The following RGS18 variants were observed in gnomAD, a reference collection of about 807,000 sequenced individuals.
The protein encoded by RGS18 is regulator of G protein signaling 18.
In RGS18, 22 loss-of-function variants were observed where a neutral mutation model predicts 27.6. That is an observed-to-expected ratio of 0.80 (90% CI 0.57 to 1.14). The LOEUF is 1.14. RGS18 is among the 50% of genes most tolerant of loss of function. The probability of loss-of-function intolerance (pLI) is 0.00; values close to 1 mark genes in which losing one functional copy is unlikely to be tolerated. For missense variants in RGS18, 299 were observed against 269.6 expected (o/e 1.11, Z -0.76); for synonymous variants, 89 against 84.6 (o/e 1.05, Z -0.29).
Position 192,160,360 on chromosome 1 carries a change from A to G in RGS18, c.222-18A>G, listed in dbSNP as rs1557933401. The G allele has an allele frequency of 6.3e-7, 1 of 1,589,026 alleles. No individual in the cohort carries two copies. Among genetic ancestry groups the G allele is most frequent in the East Asian group, 2.2e-5 (1 of 44,636 alleles). ...CTTTCTGCACACTCCATTATAAAAC[A>G]TTTTGTTTCTTGTACAGAGTCTCCC... On this transcript the variant is annotated intron_variant, in intron 2 of 4. Transcript: ENST00000367460.
At chr1:192,167,534 C>G (rs1473062204) in intron 3 of RGS18, among the ~76,000 whole-genome samples, 1 of 152,076 alleles carries the variant, frequency 6.6e-6, no homozygotes, top group East Asian at 1.9e-4. Context: ...ATTCTCCTGC[C>G]TCAGCCTCCC....
Position 192,158,881 on chromosome 1 carries a change from G to GA in RGS18, c.119+134dup, listed in dbSNP as rs111972442. ...TATTGTTTGTATTGCTATAATTTGG[G>GA]AAAAAAAAACACCTTTTTATTTCTT... On this transcript the variant is annotated intron_variant, in intron 1 of 4. Transcript: ENST00000367460. 5.2e-3 allele frequency: 3,427 copies of GA among 654,438 alleles called. 1 individual carries two copies. Among genetic ancestry groups the GA allele is most frequent in the Non-Finnish European group, 6.2e-3 (2,442 of 391,092 alleles). The allele number at this position is 654,438 out of a possible 1,614,324, so 40.5% of individuals were successfully genotyped here.
chr1:192,169,729 GA>G (rs1428802390), intron 3 of RGS18: 1 of 151,992 alleles, frequency 6.6e-6, no homozygotes, highest in Non-Finnish European at 1.5e-5. Flanking sequence ...ATCTAGCCAA[GA>G]AATTCTCTTC....
intron 3 of RGS18, among the ~76,000 whole-genome samples, chr1:192,178,319 A>T (rs1656392155): frequency 6.6e-6 from 1 of 151,676 alleles, no homozygotes; most frequent in African/African-American, 2.4e-5. Flanking sequence ...TGTTTTTCAC[A>T]TGTTGGTTGG....
chr1:192,159,102 G>A (rs1656025008), intron 1 of RGS18, 118 bp from the exon 2 acceptor site: 3 of 646,818 alleles, frequency 4.6e-6, no homozygotes, highest in South Asian at 1.9e-5. Flanking sequence ...TGGGATTCAT[G>A]AGTGTGTGGG....
At chr1:192,176,366 T>C (rs1258610011) in intron 3 of RGS18, among the ~76,000 whole-genome samples, 1 of 151,798 alleles carries the variant, frequency 6.6e-6, no homozygotes, top group African/African-American at 2.4e-5. Flanking sequence ...CTTCTTACTA[T>C]GGTTAGCCTC....
At chr1:192,183,377 GC>G (rs1268378682) in intron 4 of RGS18, among the ~76,000 whole-genome samples, 5 of 151,536 alleles carry the variant, frequency 3.3e-5, no homozygotes, top group Non-Finnish European at 7.4e-5. Flanking sequence ...ATAAAGAGAA[GC>G]CCCACATTAA....
chr1:192,175,176 C>A (rs1210519167), intron 3 of RGS18, among the ~76,000 whole-genome samples: 1 of 151,218 alleles, frequency 6.6e-6, no homozygotes, highest in Non-Finnish European at 1.5e-5. Flanking sequence ...TCTTTTTTAA[C>A]CTTTGTGTTT....
chr1:192,165,794 C>A (rs1656153979), intron 3 of RGS18, among the ~76,000 whole-genome samples: 2 of 152,084 alleles, frequency 1.3e-5, no homozygotes, highest in African/African-American at 2.4e-5. Flanking sequence ...AATTTAAATT[C>A]TGTTTCTTAT....
intron 3 of RGS18, among the ~76,000 whole-genome samples, chr1:192,164,567 T>C (rs1445867584): frequency 6.6e-6 from 1 of 152,148 alleles, no homozygotes; most frequent in Non-Finnish European, 1.5e-5. Flanking sequence ...GTTGTTTCAG[T>C]AATTGCAACA....
Position 192,160,721 on chromosome 1 carries a change from C to A in RGS18, c.283+282C>A, listed in dbSNP as rs1318190447. 6 of 356,596 alleles carry A rather than the reference C, an allele frequency of 1.7e-5. No homozygotes were observed. In the Admixed American group the frequency reaches 2.7e-4, roughly 16 times the overall value. The allele number at this position is 356,596 out of a possible 1,614,324, so 22.1% of individuals were successfully genotyped here. A position where few individuals can be genotyped will look rare whatever the true frequency, so the allele number is the denominator to read the frequency against. On this transcript the variant is annotated intron_variant, in intron 3 of 4. Coordinates refer to ENST00000367460, the MANE Select transcript of RGS18 (RefSeq NM_130782.3). ...AATTTTTCCGATTTTTGAATGAAAT[C>A]TTCGGTTTTATCAAATTCATGATTA... is the stretch of plus-strand genomic sequence containing the variant.
At chr1:192,162,195 C>G (rs1179190994) in intron 3 of RGS18, among the ~76,000 whole-genome samples, 1 of 152,190 alleles carries the variant, frequency 6.6e-6, no homozygotes, top group Non-Finnish European at 1.5e-5. Flanking sequence ...CTTAAACAGC[C>G]TTCCTCAACT....
intron 3 of RGS18, among the ~76,000 whole-genome samples, chr1:192,180,670 T>C (rs777355207): frequency 3.3e-5 from 5 of 151,722 alleles, no homozygotes; most frequent in Non-Finnish European, 7.4e-5. Flanking sequence ...TCTATAAACA[T>C]GACCTACCAC....
intron 3 of RGS18, among the ~76,000 whole-genome samples, chr1:192,172,301 A>T (rs934880912): frequency 2.6e-5 from 4 of 151,972 alleles, no homozygotes; most frequent in African/African-American, 9.7e-5. Context: ...AGACTGGATT[A>T]GTTCTCAGGG....
At chr1:192,159,767 C>A (rs1293189927) in intron 2 of RGS18, among the ~76,000 whole-genome samples, 3 of 151,834 alleles carry the variant, frequency 2.0e-5, no homozygotes, top group Non-Finnish European at 4.4e-5. Context: ...ATGCAAAAAC[C>A]TTATATACTA....
intron 3 of RGS18, among the ~76,000 whole-genome samples, chr1:192,164,267 A>G (rs1218213559): frequency 6.6e-6 from 1 of 152,190 alleles, no homozygotes; most frequent in Non-Finnish European, 1.5e-5. Flanking sequence ...GAATCAGTAT[A>G]GGAATGGGGC....
At position 192,163,679 on chromosome 1, in the gene RGS18, T is replaced by G. The variant is rs1021432577; in HGVS notation, c.283+3240T>G. Reference sequence around the variant, plus strand: ...TATATTATATTGAATTCACAGAATTTATATTACCAGTATTATTTTACTCAA... The same window carrying G: ...TATATTATATTGAATTCACAGAATTGATATTACCAGTATTATTTTACTCAA... On this transcript the variant is annotated intron_variant, in intron 3 of 4. Transcript: ENST00000367460. 25 of 152,140 alleles carry G rather than the reference T, an allele frequency of 1.6e-4. No individual in the cohort carries two copies. In the South Asian group the frequency reaches 5.0e-3, roughly 30 times the overall value. 9.4% of individuals were successfully genotyped at this position (152,140 alleles called of 1,614,324 possible).
intron 4 of RGS18, among the ~76,000 whole-genome samples, chr1:192,182,355 T>C (rs984726032): frequency 6.6e-6 from 1 of 151,652 alleles, no homozygotes; most frequent in Non-Finnish European, 1.5e-5. Flanking sequence ...ACATTTGTTA[T>C]TTTTTGTCTT....
chr1:192,179,297 T>C (rs1292899245), intron 3 of RGS18, among the ~76,000 whole-genome samples: 1 of 151,460 alleles, frequency 6.6e-6, no homozygotes, highest in Non-Finnish European at 1.5e-5. Flanking sequence ...TGAGAGTGAA[T>C]CTAAAGAAAG....
Sources: allele counts gnomAD v4.1 joint callset (sites outside exome capture counted in the v4.1 genomes callset), GRCh38; gene constraint gnomAD v4.1.1; transcripts MANE v1.5; gene names NCBI Gene and HGNC (gene_info 2026-07-23, HGNC 2026-07-21).